The following CCDC190 variants were observed in gnomAD, a reference collection of about 807,000 sequenced individuals.
CCDC190 encodes coiled-coil domain-containing protein 190.
A neutral mutation model predicts 13.1 loss-of-function variants in CCDC190; 10 were observed. The ratio of observed to expected loss-of-function variants is 0.77; its 90% CI spans 0.47 to 1.30. The LOEUF (loss-of-function observed/expected upper bound fraction) is 1.30, where lower values mean the gene tolerates loss of function less well. CCDC190 is among the 50% of genes most tolerant of loss of function. CCDC190 has a pLI of 0.00. For synonymous variants in CCDC190, 136 were observed against 127.2 expected (o/e 1.07, Z -0.47); for missense variants, 375 against 354.3 (o/e 1.06, Z -0.47).
At chr1:162,860,661 G>A (rs1377345801) in intron 1 of CCDC190, among the ~76,000 whole-genome samples, 1 of 151,704 alleles carries the variant, frequency 6.6e-6, no homozygotes, top group African/African-American at 2.4e-5. Context: ...GGGTTCAACC[G>A]ATTCTCCTGC....
At position 162,854,571 on chromosome 1, in the gene CCDC190, T is replaced by G. The variant is rs1650215869; in HGVS notation, c.*194A>C. On this transcript the variant is annotated 3_prime_UTR_variant, in exon 4 of 4. Transcript: ENST00000367912. ...AAAATATTTTCAGAAGATTCATTCT[T>G]CCTCTCCTTTTTCATATATTAGCAT... 2 of 1,366,058 alleles carry G rather than the reference T, an allele frequency of 1.5e-6. No individual in the cohort carries two copies. The highest frequency in any genetic ancestry group is 5.3e-5 in the East Asian group (2 of 37,928). 84.6% of individuals were successfully genotyped at this position (1,366,058 alleles called of 1,614,324 possible).
At chr1:162,862,474 T>C (rs1179921504), upstream of CCDC190, among the ~76,000 whole-genome samples, 1 of 152,148 alleles carries the variant, frequency 6.6e-6, no homozygotes, top group Non-Finnish European at 1.5e-5. Flanking sequence ...GGCATAGTCA[T>C]CACATTGCTC....
chr1:162,860,196 A>G (rs1510313), intron 1 of CCDC190, among the ~76,000 whole-genome samples: 19,435 of 152,088 alleles, frequency 0.13, 1,321 homozygotes, highest in Non-Finnish European at 0.15. Flanking sequence ...CTAAAAGCTA[A>G]GAGTAATGGT....
Position 162,852,543 on chromosome 1 carries a change from G to C in CCDC190, c.*2222C>G, listed in dbSNP as rs941718187. 6.5e-6 allele frequency: 1 copy of C among 152,898 alleles called. No homozygotes were observed. Among genetic ancestry groups the C allele is most frequent in the Admixed American group, 6.5e-5 (1 of 15,402 alleles). The allele number at this position is 152,898 out of a possible 1,614,324, so 9.5% of individuals were successfully genotyped here. On this transcript the variant is annotated 3_prime_UTR_variant, in exon 4 of 4. Coordinates refer to ENST00000367912, the MANE Select transcript of CCDC190 (RefSeq NM_001394065.1). The stretch of plus-strand genomic sequence containing the variant: ...CTAAATGATAAGAAGATAAAATCTA[G>C]GTGGTTAGAAGATTTTTAAATGTAT...
rs116369182 is a variant in CCDC190, at chr1:162,859,942, A to G, written c.-12-284T>C. ...CAGATTTCCAAGAAGATCAAGTGAGAAGTGTAAGAACAACTCTTTGGAAAA... is the reference window on the plus strand; with the variant it reads ...CAGATTTCCAAGAAGATCAAGTGAGGAGTGTAAGAACAACTCTTTGGAAAA... On this transcript the variant is annotated intron_variant, in intron 1 of 3. Transcript: ENST00000367912. Among the ~76,000 whole-genome samples the G allele has an allele frequency of 2.9e-3, 442 of 152,094 alleles. 1 individual carries two copies. Among genetic ancestry groups the G allele is most frequent in the African/African-American group, 9.6e-3 (399 of 41,488 alleles).
Position 162,860,095 on chromosome 1 carries a change from C to T in CCDC190, c.-12-437G>A, listed in dbSNP as rs566420168. 5.3e-5 allele frequency among the ~76,000 whole-genome samples: 8 copies of T among 152,268 alleles called. No individual in the cohort carries two copies. In the East Asian group the frequency reaches 9.6e-4, roughly 18 times the overall value. On this transcript the variant is annotated intron_variant, in intron 1 of 3. Transcript: ENST00000367912. The stretch of plus-strand genomic sequence containing the variant: ...GGAGAGGATTTAGGAACTTAGGACA[C>T]GGCCATTCCTTCCCACACCCTGCCA...
In CCDC190 at chr1:162,851,729, G is replaced by A. The variant is rs1650114738; in HGVS notation, c.*3036C>T. 1 of 149,794 alleles carries A rather than the reference G, an allele frequency of 6.7e-6. No homozygotes were observed. Among genetic ancestry groups the A allele is most frequent in the Non-Finnish European group, 1.5e-5 (1 of 67,264 alleles). The allele number at this position is 149,794 out of a possible 1,614,324, so 9.3% of individuals were successfully genotyped here. On this transcript the variant is annotated 3_prime_UTR_variant, in exon 4 of 4. Transcript: ENST00000367912. Reference sequence around the variant, plus strand: ...ATGGGGAAGGGATCATCTGTCCCCAGTACATCTCTGAATGAATGAATGAAT... The same window carrying A: ...ATGGGGAAGGGATCATCTGTCCCCAATACATCTCTGAATGAATGAATGAAT...
intron 2 of CCDC190, 125 bp from the exon 3 acceptor site, chr1:162,855,880 A>T: frequency 1.2e-6 from 1 of 830,392 alleles, no homozygotes; most frequent in South Asian, 1.8e-5. Context: ...TACAGAGAAA[A>T]TCAAATTAAA....
intron 1 of CCDC190, among the ~76,000 whole-genome samples, chr1:162,868,485 CA>C (rs372227328): frequency 5.5e-4 from 83 of 152,292 alleles, no homozygotes; most frequent in Middle Eastern, 3.4e-3. Flanking sequence ...TCAACAATCC[CA>C]AAAGGACCCA....
Position 162,855,285 on chromosome 1 carries a change from A to G in CCDC190, c.386T>C (p.Leu129Pro). 1 of 1,613,738 alleles carries G rather than the reference A, an allele frequency of 6.2e-7. No individual in the cohort carries two copies. The highest frequency in any genetic ancestry group is 1.1e-5 in the South Asian group (1 of 91,078). Residue 129 changes from leucine to proline, a missense_variant, in exon 4 of 4, where the codon CTC becomes CCC. By Grantham distance (98) the Leu-to-Pro change is moderately conservative (BLOSUM62 -3). Transcript: ENST00000367912. Reference protein sequence around the residue: ...SQVPPSHDAGLKDPMKSKKQP... With the variant: ...SQVPPSHDAGPKDPMKSKKQP... The stretch of plus-strand genomic sequence containing the variant: ...CTTTTTGCTCTTCATGGGGTCTTTG[A>G]GGCCAGCATCATGTGAAGGAGGCAC...
At chr1:162,867,885 A>G (rs1158942557) in intron 1 of CCDC190, among the ~76,000 whole-genome samples, 3 of 152,194 alleles carry the variant, frequency 2.0e-5, no homozygotes, top group African/African-American at 7.2e-5. Context: ...CAATTAATCT[A>G]TGATGACAGA....
chr1:162,857,793 T>A (rs1191485198), intron 2 of CCDC190, among the ~76,000 whole-genome samples: 1 of 152,214 alleles, frequency 6.6e-6, no homozygotes, highest in Non-Finnish European at 1.5e-5. Flanking sequence ...GGAACTACTG[T>A]CCAATTTAAA....
chr1:162,862,870 T>A (rs2102264549), upstream of CCDC190, among the ~76,000 whole-genome samples: 1 of 152,064 alleles, frequency 6.6e-6, no homozygotes, highest in South Asian at 2.1e-4. Context: ...GAGCAGATAA[T>A]CCTCCTTTCC....
At chr1:162,857,714 C>G (rs1182838302) in intron 2 of CCDC190, among the ~76,000 whole-genome samples, 1 of 152,128 alleles carries the variant, frequency 6.6e-6, no homozygotes, top group African/African-American at 2.4e-5. Context: ...GACACAGGAA[C>G]CTTTTTATGT....
Position 162,854,677 on chromosome 1 carries a change from T to C in CCDC190, c.*88A>G, listed in dbSNP as rs75707515. 1.0e-3 allele frequency: 1,514 copies of C among 1,472,890 alleles called. 18 individuals are homozygous for C. The African/African-American group carries it at 0.018, about 18-fold the overall frequency. 91.2% of individuals were successfully genotyped at this position (1,472,890 alleles called of 1,614,324 possible). ...TTGTAATTCAATTATGTTTGTTTGT[T>C]TTTCTCTGTATTGCTTAATATAGTC... On this transcript the variant is annotated 3_prime_UTR_variant, in exon 4 of 4. Coordinates refer to ENST00000367912, the MANE Select transcript of CCDC190 (RefSeq NM_001394065.1).
At chr1:162,860,765 G>T (rs1050007983) in intron 1 of CCDC190, among the ~76,000 whole-genome samples, 4 of 151,932 alleles carry the variant, frequency 2.6e-5, no homozygotes, top group Non-Finnish European at 5.9e-5. Flanking sequence ...CACCATATTG[G>T]CCAGGCTAGT....
At position 162,855,649 on chromosome 1, in the gene CCDC190, T is replaced by TG. The variant is rs896536006; in HGVS notation, c.293dup (p.Gln99ThrfsTer3). On this transcript the variant is annotated frameshift_variant, in exon 3 of 4. Transcript: ENST00000367912. LOFTEE classifies it low-confidence loss of function (END_TRUNC). ...TTTCTTACCTCATTTTCTTAGCCTG[T>TG]GGGGCTCTGTGCTTCTGCCTTCCCT... 3 of 1,613,756 alleles carry TG rather than the reference T, an allele frequency of 1.9e-6. No homozygotes were observed. Among genetic ancestry groups the TG allele is most frequent in the African/African-American group, 1.3e-5 (1 of 74,930 alleles).
In CCDC190 at chr1:162,855,096, G is replaced by A. The variant is rs1282606318; in HGVS notation, c.575C>T (p.Pro192Leu). Reference protein sequence around the residue: ...EVSTNTIEQGPSSSPASDSGM... With the variant: ...EVSTNTIEQGLSSSPASDSGM... ...ACTATCACTAGCTGGGCTGGAACTA[G>A]GACCTTGTTCTATGGTGTTGGTGGA... The change falls in exon 4 of 4, where the codon CCT (proline) becomes CTT (leucine). Residue 192 changes from proline (P) to leucine (L), a missense_variant. Transcript: ENST00000367912. The A allele has an allele frequency of 1.2e-6, 2 of 1,613,896 alleles. No individual in the cohort carries two copies. Among genetic ancestry groups the A allele is most frequent in the East Asian group, 2.2e-5 (1 of 44,894 alleles).
In CCDC190 at chr1:162,851,813, C is replaced by T. The variant is rs1039452784; in HGVS notation, c.*2952G>A. 2 of 152,058 alleles carry T rather than the reference C, an allele frequency of 1.3e-5. No individual in the cohort carries two copies. The highest frequency in any genetic ancestry group is 1.5e-5 in the Non-Finnish European group (1 of 68,008). The allele number at this position is 152,058 out of a possible 1,614,324, so 9.4% of individuals were successfully genotyped here. On this transcript the variant is annotated 3_prime_UTR_variant, in exon 4 of 4. Coordinates refer to ENST00000367912, the MANE Select transcript of CCDC190 (RefSeq NM_001394065.1). ...TGAAGTATAAATTATCCCTTCTAAC[C>T]ATGTGTTACTAATTTGAATGTTAAA...
Sources: allele counts gnomAD v4.1 joint callset (sites outside exome capture counted in the v4.1 genomes callset), GRCh38; gene constraint gnomAD v4.1.1; transcripts MANE v1.5; gene names NCBI Gene and HGNC (gene_info 2026-07-23, HGNC 2026-07-21).